The following BZW2 variants were observed in gnomAD, a reference collection of about 807,000 sequenced individuals.
BZW2 encodes the protein basic leucine zipper and W2 domains 2.
A neutral mutation model predicts 53.2 loss-of-function variants in BZW2; 23 were observed. The observed-to-expected ratio is 0.43, with a 90% CI of 0.31 to 0.61. The LOEUF is 0.61. Among genes scored for constraint, BZW2 ranks in the 20% least tolerant of loss-of-function variants. The probability of loss-of-function intolerance (pLI) is 0.09; values close to 1 mark genes in which losing one functional copy is unlikely to be tolerated. For synonymous variants in BZW2, 227 were observed against 186.4 expected (o/e 1.22, Z -1.77); for missense variants, 409 against 503.1 (o/e 0.81, Z 1.79).
chr7:16,663,965 A>G (rs542672828), intron 1 of BZW2, among the ~76,000 whole-genome samples: 1 of 152,300 alleles, frequency 6.6e-6, no homozygotes, highest in African/African-American at 2.4e-5. Flanking sequence ...ATTAAGGTAA[A>G]CCAAAAAGAT....
At chr7:16,673,833 G>C (rs2128358257) in intron 2 of BZW2, among the ~76,000 whole-genome samples, 1 of 152,266 alleles carries the variant, frequency 6.6e-6, no homozygotes. Context: ...TCCTGAAGCT[G>C]TAGATATACA....
intron 10 of BZW2, among the ~76,000 whole-genome samples, chr7:16,704,272 T>C (rs889472466): frequency 1.3e-5 from 2 of 152,210 alleles, no homozygotes; most frequent in Non-Finnish European, 2.9e-5. Flanking sequence ...AAATTAGCAC[T>C]GTGAGAGATT....
chr7:16,646,298 A>C lies in BZW2; in HGVS notation c.-8+10A>C, dbSNP rs1018693055. 2 of 212,506 alleles carry C rather than the reference A, an allele frequency of 9.4e-6. No individual in the cohort carries two copies. Among genetic ancestry groups the C allele is most frequent in the African/African-American group, 4.7e-5 (2 of 42,164 alleles). 13.2% of individuals were successfully genotyped at this position (212,506 alleles called of 1,614,324 possible). ...CTACCTCCTCGGACAGGTGAGAAGCAGCCCAGGTGAGGCAAGGGGCGCCGT... is the reference window on the plus strand; with the variant it reads ...CTACCTCCTCGGACAGGTGAGAAGCCGCCCAGGTGAGGCAAGGGGCGCCGT... On this transcript the variant is annotated intron_variant, in intron 1 of 11. Transcript: ENST00000258761.
intron 3 of BZW2, among the ~76,000 whole-genome samples, chr7:16,678,452 A>C (rs980474725): frequency 1.3e-5 from 2 of 151,970 alleles, no homozygotes; most frequent in Non-Finnish European, 2.9e-5. Flanking sequence ...AACAGCAGTC[A>C]CTCCAAAAAC....
At chr7:16,697,340 C>T (rs1020423113) in intron 9 of BZW2, among the ~76,000 whole-genome samples, 29 of 152,152 alleles carry the variant, frequency 1.9e-4, no homozygotes, top group Non-Finnish European at 7.4e-5. Flanking sequence ...ATCCTCCTGC[C>T]TTGGCCTCCC....
chr7:16,683,959 C>G (rs1178827872), intron 5 of BZW2, among the ~76,000 whole-genome samples: 1 of 152,098 alleles, frequency 6.6e-6, no homozygotes. Flanking sequence ...AGAAATGTTT[C>G]TTACATGACC....
At chr7:16,704,307 G>A (rs1258296620) in intron 10 of BZW2, among the ~76,000 whole-genome samples, 1 of 152,168 alleles carries the variant, frequency 6.6e-6, no homozygotes, top group Non-Finnish European at 1.5e-5. Context: ...GTGAGCTATA[G>A]GCTTGCATTA....
At chr7:16,676,090 A>C (rs907863608) in intron 3 of BZW2, among the ~76,000 whole-genome samples, 2 of 152,190 alleles carry the variant, frequency 1.3e-5, no homozygotes, top group Non-Finnish European at 2.9e-5. Context: ...CGAAAAGAAA[A>C]AAGAAATCTC....
chr7:16,665,592 C>T, intron 2 of BZW2, 91 bp downstream of exon 2: 1 of 1,548,458 alleles, frequency 6.5e-7, no homozygotes, highest in Non-Finnish European at 8.7e-7. Context: ...TTTCCCCCAG[C>T]CTCACTGATT....
rs552169014 is a variant in BZW2, at chr7:16,677,569, G to A, written c.235+2981G>A. On this transcript the variant is annotated intron_variant, in intron 3 of 11. Transcript: ENST00000258761. ...CATGGGCTAGCAGGCCGGTCCAGGGGTCCACGGTAGATCTTATTCATGGAC... is the reference window on the plus strand; with the variant it reads ...CATGGGCTAGCAGGCCGGTCCAGGGATCCACGGTAGATCTTATTCATGGAC... Among the ~76,000 whole-genome samples the A allele has an allele frequency of 4.6e-5, 7 of 152,306 alleles. No individual in the cohort carries two copies. In the East Asian group the frequency reaches 1.3e-3, roughly 29 times the overall value.
chr7:16,696,545 GA>G (rs893391699), intron 8 of BZW2, among the ~76,000 whole-genome samples: 3 of 63,286 alleles, frequency 4.7e-5, no homozygotes, highest in African/African-American at 1.1e-4. Flanking sequence ...TTAGGGATGG[GA>G]TAAAAGTTCA....
chr7:16,652,715 G>A (rs1399514405), intron 1 of BZW2, among the ~76,000 whole-genome samples: 2 of 152,058 alleles, frequency 1.3e-5, no homozygotes, highest in Admixed American at 1.3e-4. Context: ...AGTACAGACG[G>A]GGTTTCACCA....
At chr7:16,652,282 C>T (rs1583697101) in intron 1 of BZW2, among the ~76,000 whole-genome samples, 1 of 152,206 alleles carries the variant, frequency 6.6e-6, no homozygotes, top group South Asian at 2.1e-4. Flanking sequence ...ATTATTAAAA[C>T]GTTAATAAAC....
chr7:16,678,899 C>T (rs1782851775), intron 3 of BZW2, among the ~76,000 whole-genome samples: 1 of 151,730 alleles, frequency 6.6e-6, no homozygotes, highest in Non-Finnish European at 1.5e-5. Flanking sequence ...AGACAGTGTA[C>T]GAATAGAGTG....
chr7:16,698,277 GC>G (rs1487935681), intron 10 of BZW2, 91 bp downstream of exon 10: 1 of 1,515,308 alleles, frequency 6.6e-7, no homozygotes, highest in African/African-American at 1.4e-5. Context: ...AGGTCATGGG[GC>G]TCTGTTTAGA....
intron 1 of BZW2, among the ~76,000 whole-genome samples, chr7:16,659,658 A>G (rs1782201415): frequency 6.6e-6 from 1 of 152,084 alleles, no homozygotes; most frequent in African/African-American, 2.4e-5. Context: ...AATAGTAGAT[A>G]ATTTTACTCA....
chr7:16,689,872 C>G lies in BZW2; in HGVS notation c.617C>G (p.Ser206Cys). 1.2e-6 allele frequency: 2 copies of G among 1,611,854 alleles called. No individual in the cohort carries two copies. Among genetic ancestry groups the G allele is most frequent in the East Asian group, 2.2e-5 (1 of 44,808 alleles). ...AAAGATGCCAACTCTGTTACCTCGT[C>G]TTTGAGAAAAGCCAACTTAGACAAG... ...AEKDANSVTS[S>C]LRKANLDKRL... Residue 206 changes from serine to cysteine, a missense_variant, in exon 7 of 12, where the codon TCT becomes TGT. Around this residue, in one of 3 missense-constraint regions of BZW2, gnomAD observed 316 missense variants for 366.8 expected, o/e 0.86. Transcript: ENST00000258761.
chr7:16,656,640 T>C (rs187389939), intron 1 of BZW2, among the ~76,000 whole-genome samples: 9 of 152,178 alleles, frequency 5.9e-5, no homozygotes, highest in Admixed American at 4.6e-4. Context: ...TGAATCAGTT[T>C]TTTATTTAAT....
chr7:16,703,071 C>T (rs1229036875), intron 10 of BZW2, among the ~76,000 whole-genome samples: 1 of 152,110 alleles, frequency 6.6e-6, no homozygotes, highest in Admixed American at 6.6e-5. Flanking sequence ...GTCACTTCCT[C>T]GGGACACAAC....
Sources: gnomAD v4.1 joint callset for allele counts (sites outside exome capture counted in the v4.1 genomes callset) on GRCh38, gnomAD v4.1.1 for gene constraint, gnomAD v4.1.1 regional missense constraint, MANE v1.5 for transcripts, NCBI Gene and HGNC (gene_info 2026-07-23, HGNC 2026-07-21) for gene names.